The following PHLPP1 variants were observed in gnomAD, a reference collection of about 807,000 sequenced individuals.
The protein encoded by PHLPP1 is PH domain leucine-rich repeat-containing protein phosphatase 1.
PHLPP1 carries 42 observed loss-of-function variants against 117.2 expected under a neutral mutation model. The ratio of observed to expected loss-of-function variants is 0.36; its 90% CI spans 0.28 to 0.46. The LOEUF (loss-of-function observed/expected upper bound fraction) is 0.46, where lower values mean the gene tolerates loss of function less well. Among genes scored for constraint, PHLPP1 ranks in the 20% least tolerant of loss-of-function variants. The pLI, the probability that PHLPP1 is intolerant of heterozygous loss-of-function variation, is 1.00. For missense variants in PHLPP1, 2,084 were observed against 2,241.9 expected (o/e 0.93, Z 1.42); for synonymous variants, 1,042 against 970.7 (o/e 1.07, Z -1.37).
chr18:62,848,480 T>C (rs1038638461), intron 3 of PHLPP1, among the ~76,000 whole-genome samples: 1 of 145,586 alleles, frequency 6.9e-6, no homozygotes, highest in Non-Finnish European at 1.5e-5. Flanking sequence ...TTTTTTTTTT[T>C]GAGACAGGGT....
intron 1 of PHLPP1, among the ~76,000 whole-genome samples, chr18:62,755,130 G>A (rs1012402802): frequency 3.3e-5 from 5 of 151,972 alleles, no homozygotes; most frequent in Non-Finnish European, 7.4e-5. Context: ...AGGAAGTAGA[G>A]GTTTAGACAT....
At chr18:62,764,742 G>A (rs1912406798) in intron 1 of PHLPP1, among the ~76,000 whole-genome samples, 1 of 152,242 alleles carries the variant, frequency 6.6e-6, no homozygotes, top group African/African-American at 2.4e-5. Flanking sequence ...TTGAAGTGGT[G>A]TGCCTGGCAT....
chr18:62,723,970 GTTGTT>G (rs1445341197), intron 1 of PHLPP1, among the ~76,000 whole-genome samples: 1 of 152,110 alleles, frequency 6.6e-6, no homozygotes, highest in Non-Finnish European at 1.5e-5. Flanking sequence ...GAAAGTTGTA[GTTGTT>G]TTAAGTTCTG....
chr18:62,959,345 T>C (rs914675239), intron 13 of PHLPP1, among the ~76,000 whole-genome samples: 1 of 152,228 alleles, frequency 6.6e-6, no homozygotes, highest in African/African-American at 2.4e-5. Context: ...CTTTACAGTA[T>C]ATTAAGTGAA....
chr18:62,970,708 T>C (rs766432437), intron 14 of PHLPP1, among the ~76,000 whole-genome samples: 5 of 152,040 alleles, frequency 3.3e-5, no homozygotes, highest in Non-Finnish European at 7.4e-5. Context: ...GAGATTGCAG[T>C]GAACCAAGAT....
intron 1 of PHLPP1, among the ~76,000 whole-genome samples, chr18:62,802,442 T>C (rs1471759589): frequency 6.6e-6 from 1 of 151,960 alleles, no homozygotes. Context: ...GCAGAATAAT[T>C]TTGATGATTG....
chr18:62,764,181 A>AAC (rs1555670156), intron 1 of PHLPP1, among the ~76,000 whole-genome samples: 9 of 146,128 alleles, frequency 6.2e-5, no homozygotes, highest in African/African-American at 1.5e-4. Context: ...AAAAAAAAAA[A>AAC]AACAACAACA....
At chr18:62,912,720 A>C (rs1005566277) in intron 8 of PHLPP1, among the ~76,000 whole-genome samples, 3 of 152,048 alleles carry the variant, frequency 2.0e-5, no homozygotes, top group African/African-American at 4.8e-5. Flanking sequence ...CCTGGGTTCA[A>C]ATGATTCTCC....
chr18:62,777,498 A>G (rs1568114188), intron 1 of PHLPP1, among the ~76,000 whole-genome samples: 1 of 148,086 alleles, frequency 6.8e-6, no homozygotes, highest in Non-Finnish European at 1.5e-5. Context: ...ATTCTTATTT[A>G]TATTATATAT....
chr18:62,720,034 T>C (rs1291660355), intron 1 of PHLPP1, among the ~76,000 whole-genome samples: 5 of 152,196 alleles, frequency 3.3e-5, no homozygotes, highest in Non-Finnish European at 7.4e-5. Flanking sequence ...AAAATTGTTA[T>C]AGCATCTACC....
In PHLPP1 at chr18:62,899,001, T is replaced by G. The variant is rs974368616; in HGVS notation, c.2444+2990T>G. Among the ~76,000 whole-genome samples, 13 of 152,200 alleles carry G rather than the reference T, an allele frequency of 8.5e-5. No homozygotes were observed. In the East Asian group the frequency reaches 2.5e-3, roughly 29 times the overall value. ...TTTTAGTAGAGACAGGGTTTCACCA[T>G]GTTGGCCAGGTTGGTCTCAAACTCC... On this transcript the variant is annotated intron_variant, in intron 6 of 16. Transcript: ENST00000262719.
At chr18:62,811,167 T>A (rs1300157048) in intron 1 of PHLPP1, among the ~76,000 whole-genome samples, 1 of 152,212 alleles carries the variant, frequency 6.6e-6, no homozygotes, top group Non-Finnish European at 1.5e-5. Context: ...TTATTTTTGC[T>A]CATTTTGATT....
At chr18:62,794,977 A>G (rs1913581637) in intron 1 of PHLPP1, among the ~76,000 whole-genome samples, 1 of 152,144 alleles carries the variant, frequency 6.6e-6, no homozygotes, top group Non-Finnish European at 1.5e-5. Context: ...GTGGGCTGAC[A>G]CTGTGTATCC....
At chr18:62,940,458 G>A (rs1286959866) in intron 10 of PHLPP1, among the ~76,000 whole-genome samples, 1 of 142,980 alleles carries the variant, frequency 7.0e-6, no homozygotes, top group Non-Finnish European at 1.5e-5. Context: ...TCTGCCTCCT[G>A]GGTTCACGCC....
intron 1 of PHLPP1, among the ~76,000 whole-genome samples, chr18:62,745,456 T>C: frequency 6.6e-6 from 1 of 152,190 alleles, no homozygotes; most frequent in East Asian, 1.9e-4. Context: ...CTGTTAAAAA[T>C]TGTCAACAAG....
At chr18:62,856,187 A>G (rs1431746028) in intron 3 of PHLPP1, among the ~76,000 whole-genome samples, 1 of 152,118 alleles carries the variant, frequency 6.6e-6, no homozygotes, top group African/African-American at 2.4e-5. Flanking sequence ...GCTGGGGTCC[A>G]GGAGCTAATC....
intron 1 of PHLPP1, among the ~76,000 whole-genome samples, chr18:62,787,507 G>A (rs1256592020): frequency 1.1e-4 from 16 of 152,148 alleles, no homozygotes; most frequent in Non-Finnish European, 2.4e-4. Flanking sequence ...GGGGAGCAAA[G>A]AATAATTCCT....
chr18:62,894,242 C>T (rs1243820141), intron 4 of PHLPP1, among the ~76,000 whole-genome samples: 1 of 152,172 alleles, frequency 6.6e-6, no homozygotes, highest in Non-Finnish European at 1.5e-5. Context: ...GTCGCCCAGG[C>T]TACATTCCAG....
chr18:62,749,233 G>GTTT (rs375058081), intron 1 of PHLPP1, among the ~76,000 whole-genome samples: 1 of 142,892 alleles, frequency 7.0e-6, no homozygotes. Flanking sequence ...TATATATAAG[G>GTTT]TTTTTTTTTT....
Sources: gnomAD v4.1 joint callset for allele counts (sites outside exome capture counted in the v4.1 genomes callset) on GRCh38, gnomAD v4.1.1 for gene constraint, MANE v1.5 for transcripts, NCBI Gene and HGNC (gene_info 2026-07-23, HGNC 2026-07-21) for gene names.